POLR2D: variants seen among roughly 807,000 people sequenced by gnomAD.
POLR2D encodes RNA polymerase II subunit D.
In POLR2D, 10 loss-of-function variants were observed where a neutral mutation model predicts 17.6. That is an observed-to-expected ratio of 0.57 (90% confidence interval 0.35 to 0.96). The LOEUF (loss-of-function observed/expected upper bound fraction) is 0.96. Among genes scored for constraint, POLR2D ranks in the 40% least tolerant of loss-of-function variants. The pLI is 0.02. For synonymous variants in POLR2D, 52 were observed against 60.2 expected, an observed-to-expected ratio of 0.86 and a Z score of 0.63; for missense variants, 126 against 176.4, an observed-to-expected ratio of 0.71 and a Z score of 1.62.
At position 127,852,943 on chromosome 2, in the gene POLR2D, GTC is replaced by G. The variant is rs1401605085; in HGVS notation, c.234_235del (p.Glu78AspfsTer7). On this transcript the variant is annotated frameshift_variant, in exon 2 of 4. Coordinates refer to ENST00000272645, the MANE Select transcript of POLR2D (RefSeq NM_004805.4). LOFTEE classifies it high-confidence loss of function. This position sits in a 1 kb window ranked among gnomAD's most constrained non-coding sequence, Gnocchi z 4.0. ...CACTCACCTACGAACACTGGCAATGGTCTCTCTGTTTTTGAAACGACTGAAAC... is the reference window on the plus strand; with the variant it reads ...CACTCACCTACGAACACTGGCAATGGTCTCTGTTTTTGAAACGACTGAAAC... 6.8e-6 allele frequency: 11 copies of G among 1,613,448 alleles called. No individual in the cohort carries two copies. The highest frequency in any genetic ancestry group is 9.3e-6 in the Non-Finnish European group (11 of 1,179,692).
chr2:127,857,721 T>C, intron 1 of POLR2D: 1 of 910,510 alleles, frequency 1.1e-6, no homozygotes, highest in Non-Finnish European at 1.4e-6. Flanking sequence ...CTGGGCTCTT[T>C]TCCCTAGTGC....
intron 3 of POLR2D, among the ~76,000 whole-genome samples, chr2:127,850,048 C>T (rs1690225333): frequency 6.6e-6 from 1 of 152,168 alleles, no homozygotes; most frequent in Non-Finnish European, 1.5e-5. Flanking sequence ...TTCTAATTAA[C>T]ACTCACAATC....
chr2:127,857,869 T>C (rs754578458), intron 1 of POLR2D, 159 bp downstream of exon 1: 85 of 1,344,104 alleles, frequency 6.3e-5, no homozygotes, highest in Non-Finnish European at 7.8e-5. Flanking sequence ...CCCAAGGCCA[T>C]GGTCCCTCCC....
Position 127,852,443 on chromosome 2 carries a change from A to G in POLR2D, c.254+482T>C, listed in dbSNP as rs1690267028. 6.6e-6 allele frequency among the ~76,000 whole-genome samples: 1 copy of G among 151,950 alleles called. No homozygotes were observed. The highest frequency in any genetic ancestry group is 1.5e-5 in the Non-Finnish European group (1 of 67,986). On this transcript the variant is annotated intron_variant, in intron 2 of 3. Coordinates refer to ENST00000272645, the MANE Select transcript of POLR2D (RefSeq NM_004805.4). This position sits in a 1 kb window ranked among gnomAD's most constrained non-coding sequence, Gnocchi z 4.0. ...TTTTTTTTGTAGGGACACGAGTTTC[A>G]CCATGTTGCACATGCTGGTCTTGAA...
At position 127,848,179 on chromosome 2, in the gene POLR2D, CT is replaced by C; in HGVS notation, c.356del (p.Glu119GlyfsTer85). On this transcript the variant is annotated frameshift_variant, in exon 4 of 4. Coordinates refer to ENST00000272645, the MANE Select transcript of POLR2D (RefSeq NM_004805.4). LOFTEE classifies it high-confidence loss of function. ...GCAGCTCCTCATCTTCAAACCGTCCCTCCAAGCTACAAGAAAATGAAAAGAA... is the reference window on the plus strand; with the variant it reads ...GCAGCTCCTCATCTTCAAACCGTCCCCCAAGCTACAAGAAAATGAAAAGAA... Reference protein sequence around the residue: ...EESKALIPSLEGRFEDEELQQ... With the variant: ...EESKALIPSLXGRFEDEELQQ... 6.2e-7 allele frequency: 1 copy of C among 1,606,726 alleles called. No homozygotes were observed. Among genetic ancestry groups the C allele is most frequent in the South Asian group, 1.1e-5 (1 of 90,464 alleles).
At chr2:127,857,985 C>T (rs1177487399) in intron 1 of POLR2D, 43 bp downstream of exon 1, 5 of 1,569,384 alleles carry the variant, frequency 3.2e-6, no homozygotes, top group South Asian at 1.2e-5. Flanking sequence ...CTGCGGCGAC[C>T]ACGCGAAGTG....
chr2:127,855,001 CAAAAAAAA>C (rs58280789), intron 1 of POLR2D, among the ~76,000 whole-genome samples: 1 of 70,960 alleles, frequency 1.4e-5, no homozygotes, highest in Admixed American at 1.6e-4. Flanking sequence ...GACATCAGGC[CAAAAAAAA>C]AAAAAAAAAA....
At chr2:127,854,153 ATT>A (rs1690292752) in intron 1 of POLR2D, among the ~76,000 whole-genome samples, 1 of 152,182 alleles carries the variant, frequency 6.6e-6, no homozygotes, top group Non-Finnish European at 1.5e-5. Context: ...GTTATAAGCA[ATT>A]TTTAAGAATT....
At chr2:127,855,562 C>T (rs1173060628) in intron 1 of POLR2D, among the ~76,000 whole-genome samples, 1 of 152,176 alleles carries the variant, frequency 6.6e-6, no homozygotes, top group African/African-American at 2.4e-5. Flanking sequence ...TACCCTCACT[C>T]CCTTCAACCA....
chr2:127,852,826 T>C lies in POLR2D; in HGVS notation c.254+99A>G, dbSNP rs989594337. 5 of 857,936 alleles carry C rather than the reference T, an allele frequency of 5.8e-6. No homozygotes were observed. Among genetic ancestry groups the C allele is most frequent in the Non-Finnish European group, 9.4e-6 (5 of 531,588 alleles). 53.1% of individuals were successfully genotyped at this position (857,936 alleles called of 1,614,324 possible). ...ATGCCCAGCCTAACATTATTTTACT[T>C]AAATTCACAAGTGACACCTGGGAAA... On this transcript the variant is annotated intron_variant, in intron 2 of 3. Coordinates refer to ENST00000272645, the MANE Select transcript of POLR2D (RefSeq NM_004805.4). The surrounding 1 kb of genome is among the most constrained non-coding windows in gnomAD (Gnocchi z 4.0).
At chr2:127,853,436 C>G (rs376596719) in intron 1 of POLR2D, among the ~76,000 whole-genome samples, 5 of 152,164 alleles carry the variant, frequency 3.3e-5, no homozygotes, top group South Asian at 4.1e-4. Context: ...CATATGTACT[C>G]AAGGTTTAAC....
intron 1 of POLR2D, chr2:127,857,749 TA>T: frequency 8.3e-7 from 1 of 1,197,906 alleles, no homozygotes; most frequent in South Asian, 2.5e-5. Flanking sequence ...TATTACTGTT[TA>T]AAAATCTGTC....
At chr2:127,853,174 T>C (rs970136874) in intron 1 of POLR2D, 69 bp from the exon 2 acceptor site, 2 of 1,227,640 alleles carry the variant, frequency 1.6e-6, no homozygotes, top group African/African-American at 1.5e-5. Context: ...ATGTTCACTG[T>C]GCATTTGAAC....
chr2:127,853,993 C>T (rs888116204), intron 1 of POLR2D, among the ~76,000 whole-genome samples: 1 of 152,146 alleles, frequency 6.6e-6, no homozygotes, highest in Non-Finnish European at 1.5e-5. Flanking sequence ...ACAATTCCTT[C>T]CCTCTAGCCG....
rs767915517 is a variant in POLR2D, at chr2:127,858,115, G to T, written c.-15C>A. The T allele has an allele frequency of 8.3e-5, 123 of 1,475,494 alleles. No homozygotes were observed. The highest frequency in any genetic ancestry group is 1.9e-4 in the Middle Eastern group (1 of 5,338). 91.4% of individuals were successfully genotyped at this position (1,475,494 alleles called of 1,614,324 possible). A position where few individuals can be genotyped will look rare whatever the true frequency, so the allele number is the denominator to read the frequency against. On this transcript the variant is annotated 5_prime_UTR_variant, in exon 1 of 4. Coordinates refer to ENST00000272645, the MANE Select transcript of POLR2D (RefSeq NM_004805.4). Reference sequence around the variant, plus strand: ...CCCGCCGCCATCGCCGCGCCGCGCCGCGCGCCACCACCAGCGCCGCCGGAA... The same window carrying T: ...CCCGCCGCCATCGCCGCGCCGCGCCTCGCGCCACCACCAGCGCCGCCGGAA...
intron 3 of POLR2D, among the ~76,000 whole-genome samples, chr2:127,848,609 C>T (rs1189142276): frequency 3.3e-5 from 5 of 152,128 alleles, no homozygotes; most frequent in East Asian, 1.9e-4. Flanking sequence ...CTCCGCCTTC[C>T]GGATTCCCAC....
intron 2 of POLR2D, among the ~76,000 whole-genome samples, chr2:127,851,163 C>A (rs1441476705): frequency 2.0e-5 from 3 of 152,142 alleles, no homozygotes; most frequent in Non-Finnish European, 2.9e-5. Context: ...CTGCAGTGAG[C>A]CAAGATCACG....
rs577270103 is a variant in POLR2D at position 127,846,820 on chromosome 2, A to G, written c.*1287T>C. The G allele has an allele frequency of 1.3e-4, 20 of 155,444 alleles. No homozygotes were observed. Among genetic ancestry groups the G allele is most frequent in the African/African-American group, 2.7e-4 (11 of 41,474 alleles). The allele number at this position is 155,444 out of a possible 1,614,324, so 9.6% of individuals were successfully genotyped here. A position where few individuals can be genotyped will look rare whatever the true frequency, so the allele number is the denominator to read the frequency against. ...CGGTCCTTGCCTGCTTCATGAGCTC[A>G]ATTCCTCACCACTGTGCTGTGAATG... On this transcript the variant is annotated 3_prime_UTR_variant, in exon 4 of 4. Coordinates refer to ENST00000272645, the MANE Select transcript of POLR2D (RefSeq NM_004805.4).
rs60975701 is a variant in POLR2D at position 127,850,440 on chromosome 2, C to CAAAAAAAAAAAAA, written c.350+137_350+149dup. ...GGGCAACAAGAGCGAAACTCCGTCT[C>CAAAAAAAAAAAAA]AAAAAAAAAAAAAAAAAAAAAAAAG... On this transcript the variant is annotated intron_variant, in intron 3 of 3. Coordinates refer to ENST00000272645, the MANE Select transcript of POLR2D (RefSeq NM_004805.4). 65 of 108,468 alleles carry CAAAAAAAAAAAAA rather than the reference C, an allele frequency of 6.0e-4. 7 individuals are homozygous for CAAAAAAAAAAAAA. The highest frequency in any genetic ancestry group is 4.3e-3 in the African/African-American group (58 of 13,370). 6.7% of individuals were successfully genotyped at this position (108,468 alleles called of 1,614,324 possible).
Sources: gnomAD v4.1 joint callset for allele counts (sites outside exome capture counted in the v4.1 genomes callset) on GRCh38, gnomAD v4.1.1 for gene constraint, Gnocchi (gnomAD v3.1) non-coding constraint, MANE v1.5 for transcripts, NCBI Gene and HGNC (gene_info 2026-07-23, HGNC 2026-07-21) for gene names.